SOX5: variants seen among roughly 807,000 people sequenced by gnomAD.
SOX5 encodes transcription factor SOX-5.
Under a neutral mutation model 92.0 loss-of-function variants are expected in SOX5, and 9 were observed. That is an observed-to-expected ratio of 0.10 (90% CI 0.06 to 0.17). The LOEUF (loss-of-function observed/expected upper bound fraction) is 0.17, where lower values mean the gene tolerates loss of function less well. Among genes scored for constraint, SOX5 ranks in the 10% least tolerant of loss-of-function variants. The pLI is 1.00. For missense variants in SOX5, 642 were observed against 944.5 expected, an observed-to-expected ratio of 0.68 and a Z score of 4.20; for synonymous variants, 344 against 336.3, an observed-to-expected ratio of 1.02 and a Z score of -0.25.
intron 4 of SOX5, among the ~76,000 whole-genome samples, chr12:24,136,161 T>C (rs893455642): frequency 1.3e-5 from 2 of 152,178 alleles, no homozygotes; most frequent in East Asian, 1.9e-4. Context: ...CAGAAAATGA[T>C]GACAGACAGG....
intron 1 of SOX5, among the ~76,000 whole-genome samples, chr12:23,914,971 C>T (rs951870296): frequency 2.0e-5 from 3 of 152,052 alleles, no homozygotes; most frequent in Admixed American, 6.6e-5. Context: ...AAGGACCTAA[C>T]ATAAAGCATA....
At chr12:23,880,779 G>A (rs1368143004) in intron 2 of SOX5, among the ~76,000 whole-genome samples, 1 of 152,122 alleles carries the variant, frequency 6.6e-6, no homozygotes, top group Non-Finnish European at 1.5e-5. Context: ...TCATCACCAA[G>A]CAAATCTTAC....
At chr12:24,166,883 T>C (rs1037932188) in intron 4 of SOX5, among the ~76,000 whole-genome samples, 2 of 152,184 alleles carry the variant, frequency 1.3e-5, no homozygotes, top group Non-Finnish European at 2.9e-5. Flanking sequence ...AGCAAAGTGT[T>C]CTATGAGGAG....
intron 2 of SOX5, among the ~76,000 whole-genome samples, chr12:23,885,402 C>A (rs1020223004): frequency 7.2e-5 from 11 of 152,238 alleles, no homozygotes; most frequent in Non-Finnish European, 1.6e-4. Flanking sequence ...CTTCAAATAT[C>A]AGTTTGTAGT....
Position 23,582,238 on chromosome 12 carries a change from C to T in SOX5, c.1165-6400G>A, listed in dbSNP as rs79792680. The T allele has an allele frequency of 1.1e-4, 104 of 984,916 alleles. 2 individuals are homozygous for T. The East Asian group carries it at 9.1e-3, about 86-fold the overall frequency. The allele number at this position is 984,916 out of a possible 1,614,324, so 61.0% of individuals were successfully genotyped here. On this transcript the variant is annotated intron_variant, in intron 9 of 14. Coordinates refer to ENST00000451604, the MANE Select transcript of SOX5 (RefSeq NM_006940.6). ...ATGGACTGTGGGAGCCCTCTTTCACCTCTCCTACCCAAATAAGGCATTTCT... is the reference window on the plus strand; with the variant it reads ...ATGGACTGTGGGAGCCCTCTTTCACTTCTCCTACCCAAATAAGGCATTTCT...
intron 4 of SOX5, among the ~76,000 whole-genome samples, chr12:24,004,458 T>A (rs1951937487): frequency 6.6e-6 from 1 of 152,002 alleles, no homozygotes; most frequent in South Asian, 2.1e-4. Context: ...ACTAGAGATA[T>A]GAACAGACAT....
intron 4 of SOX5, among the ~76,000 whole-genome samples, chr12:24,137,065 G>A (rs1414550304): frequency 6.6e-6 from 1 of 152,290 alleles, no homozygotes. Context: ...TAAAAATGAA[G>A]TATACTATTT....
intron 3 of SOX5, among the ~76,000 whole-genome samples, chr12:24,269,839 ATTTTTTTTT>A (rs56939628): frequency 4.8e-5 from 3 of 62,124 alleles, no homozygotes; most frequent in Non-Finnish European, 6.1e-5. Context: ...CCACCATGCA[ATTTTTTTTT>A]TTTTTTTTTT....
intron 4 of SOX5, among the ~76,000 whole-genome samples, chr12:24,051,387 A>G (rs1230163349): frequency 6.6e-6 from 1 of 152,152 alleles, no homozygotes; most frequent in Non-Finnish European, 1.5e-5. Flanking sequence ...GCACACACCC[A>G]TACATGCAAA....
intron 5 of SOX5, among the ~76,000 whole-genome samples, chr12:23,737,749 C>G (rs752182756): frequency 6.6e-6 from 1 of 152,100 alleles, no homozygotes; most frequent in African/African-American, 2.4e-5. Context: ...CAAGGATGCT[C>G]CTGCCTCCCA....
At chr12:23,928,797 A>C (rs994572066) in intron 1 of SOX5, among the ~76,000 whole-genome samples, 1 of 151,826 alleles carries the variant, frequency 6.6e-6, no homozygotes, top group Admixed American at 6.6e-5. Flanking sequence ...TATGGCTAAT[A>C]AAAGTAGCAG....
chr12:24,462,549 T>C (rs1433536159), intron 1 of SOX5, among the ~76,000 whole-genome samples: 1 of 152,230 alleles, frequency 6.6e-6, no homozygotes, highest in East Asian at 1.9e-4. Flanking sequence ...ATAGTAAGCC[T>C]AGGCTAATAG....
chr12:23,614,994 G>A (rs2137875340), intron 8 of SOX5, among the ~76,000 whole-genome samples: 1 of 151,666 alleles, frequency 6.6e-6, no homozygotes, highest in African/African-American at 2.4e-5. Context: ...AGTGCAGACG[G>A]GGTTTTACCA....
At chr12:23,912,918 T>C (rs2097367417) in intron 1 of SOX5, among the ~76,000 whole-genome samples, 3 of 152,186 alleles carry the variant, frequency 2.0e-5, no homozygotes, top group Admixed American at 2.0e-4. Context: ...AATTAGATTG[T>C]GGTGATGACT....
intron 2 of SOX5, among the ~76,000 whole-genome samples, chr12:23,877,923 GTTCA>G (rs2096945932): frequency 6.6e-6 from 1 of 151,716 alleles, no homozygotes; most frequent in Non-Finnish European, 1.5e-5. Context: ...TTTTCTCACA[GTTCA>G]TTAATTTATT....
intron 7 of SOX5, among the ~76,000 whole-genome samples, chr12:23,642,810 G>GACTAGGAT (rs1555223747): frequency 6.8e-6 from 1 of 147,228 alleles, no homozygotes; most frequent in Non-Finnish European, 1.5e-5. Flanking sequence ...ATTATGGGCC[G>GACTAGGAT]GGCGCGGTGG....
At chr12:24,357,524 A>G (rs1387306095) in intron 2 of SOX5, 1 of 152,216 alleles carries the variant, frequency 6.6e-6, no homozygotes, top group African/African-American at 2.4e-5. Context: ...AGATAAGACT[A>G]CCTACCCCAC....
intron 3 of SOX5, among the ~76,000 whole-genome samples, chr12:23,777,211 T>C (rs921409499): frequency 6.6e-6 from 1 of 152,200 alleles, no homozygotes; most frequent in Non-Finnish European, 1.5e-5. Flanking sequence ...TCATTCTTGA[T>C]GTGAGCAAAG....
chr12:23,810,904 T>A (rs769026340), intron 3 of SOX5, among the ~76,000 whole-genome samples: 62 of 152,262 alleles, frequency 4.1e-4, no homozygotes, highest in Non-Finnish European at 6.5e-4. Context: ...ACAGAAGAGC[T>A]GCTTTTTTTT....
Sources: allele counts gnomAD v4.1 joint callset (sites outside exome capture counted in the v4.1 genomes callset), GRCh38; gene constraint gnomAD v4.1.1; transcripts MANE v1.5; gene names NCBI Gene and HGNC (gene_info 2026-07-23, HGNC 2026-07-21).